Variants in FAM200B observed in about 807,000 individuals in gnomAD.
FAM200B encodes zinc finger BED-type containing 11.
A neutral mutation model predicts 33.1 loss-of-function variants in FAM200B; 32 were observed. That is an observed-to-expected ratio of 0.97 (90% CI 0.73 to 1.30). The LOEUF is 1.30. Ranked by LOEUF, FAM200B falls within the 50% of genes most tolerant of loss-of-function variation. The pLI, the probability that FAM200B is intolerant of heterozygous loss-of-function variation, is 0.00. For synonymous variants in FAM200B, 240 were observed against 264.8 expected (o/e 0.91, Z 0.91); for missense variants, 741 against 754.0 (o/e 0.98, Z 0.20).
the FAM200B span, among the ~76,000 whole-genome samples, chr4:15,645,419 G>T: frequency 6.6e-6 from 1 of 151,934 alleles, no homozygotes; most frequent in East Asian, 1.9e-4. Flanking sequence ...CCCTGGGTAA[G>T]TTACTTTTCT....
chr4:15,667,005 A>G, the FAM200B span, among the ~76,000 whole-genome samples: 1 of 150,544 alleles, frequency 6.6e-6, no homozygotes, highest in South Asian at 2.1e-4. Flanking sequence ...ATCAATCAAA[A>G]TAATCGTAAT....
In FAM200B at chr4:15,688,462, TATTAATGAAAACATTTTGAAAGAA is replaced by T. The variant is rs1210445578; in HGVS notation, c.1488_1511del (p.Asn497_Ile504del). The T allele has an allele frequency of 1.3e-6, 2 of 1,540,680 alleles. No individual in the cohort carries two copies. Among genetic ancestry groups the T allele is most frequent in the East Asian group, 4.9e-5 (2 of 40,758 alleles). On this transcript the variant is annotated inframe_deletion, in exon 2 of 2. Transcript: ENST00000422728. ...TTTTGCAGCATATTGAAGAGAATAT[TATTAATGAAAACATTTTGAAAGAA>T]ATAAAATTAGAGATATTGTTGCATC...
intron 1 of FAM200B, among the ~76,000 whole-genome samples, chr4:15,684,507 A>C (rs1363755738): frequency 6.6e-6 from 1 of 152,196 alleles, no homozygotes; most frequent in Non-Finnish European, 1.5e-5. Flanking sequence ...CAGAAGGACA[A>C]AATTGTAGTA....
chr4:15,689,347 G>C lies in FAM200B; in HGVS notation c.*396G>C, dbSNP rs1384075303. ...ATGAAGGGTTCTGTAGACCATTATT[G>C]GGCCTCTGGCTTTTGTCAGTGGACT... On this transcript the variant is annotated 3_prime_UTR_variant, in exon 2 of 2. Transcript: ENST00000422728. The C allele has an allele frequency of 5.9e-6, 1 of 170,176 alleles. No homozygotes were observed. Among genetic ancestry groups the C allele is most frequent in the Admixed American group, 6.5e-5 (1 of 15,348 alleles). 10.5% of individuals were successfully genotyped at this position (170,176 alleles called of 1,614,324 possible). A position where few individuals can be genotyped will look rare whatever the true frequency, so the allele number is the denominator to read the frequency against.
chr4:15,688,046 A>G lies in FAM200B; in HGVS notation c.1069A>G (p.Lys357Glu). Reference protein sequence around the residue: ...KNAVKVVNFIKGSSLNSRLLE... With the variant: ...KNAVKVVNFIEGSSLNSRLLE... ...TGCAGTGAAAGTTGTTAATTTTATT[A>G]AAGGAAGCTCATTGAATAGCCGGCT... Residue 357 changes from lysine (K) to glutamate (E), a missense_variant, in exon 2 of 2, where the codon AAA becomes GAA. By Grantham distance (56) the Lys-to-Glu change is moderately conservative (BLOSUM62 1). Transcript: ENST00000422728. 1.3e-6 allele frequency: 2 copies of G among 1,551,178 alleles called. No homozygotes were observed. The highest frequency in any genetic ancestry group is 8.7e-7 in the Non-Finnish European group (1 of 1,146,698).
the FAM200B span, among the ~76,000 whole-genome samples, chr4:15,656,523 A>T: frequency 6.6e-6 from 1 of 152,236 alleles, no homozygotes; most frequent in East Asian, 1.9e-4. Context: ...GTCAACAAAT[A>T]ATGGAGTAGA....
chr4:15,688,342 A>G lies in FAM200B; in HGVS notation c.1365A>G (p.Gln455=), dbSNP rs777510062. The G allele has an allele frequency of 1.2e-4, 193 of 1,550,220 alleles. No homozygotes were observed. The highest frequency in any genetic ancestry group is 1.6e-4 in the Non-Finnish European group (188 of 1,145,856). ...KLQGKNSDVF[Q]HVERIQGFRK... ...AGGGGAAAAACAGTGATGTATTCCA[A>G]CATGTTGAACGTATCCAGGGATTTC... is the stretch of plus-strand genomic sequence containing the variant. The change falls in exon 2 of 2, where the codon CAA becomes CAG. Residue 455 remains glutamine, a synonymous_variant. Coordinates refer to ENST00000422728, the MANE Select transcript of FAM200B (RefSeq NM_001145191.2).
chr4:15,681,549 T>A (rs1028751801), upstream of FAM200B: 1 of 154,886 alleles, frequency 6.5e-6, no homozygotes, highest in Non-Finnish European at 1.5e-5. Context: ...TTCTCCGCGG[T>A]GTCTCCTAGG....
At chr4:15,640,325 G>A in the FAM200B span, among the ~76,000 whole-genome samples, 1 of 141,926 alleles carries the variant, frequency 7.0e-6, no homozygotes, top group Non-Finnish European at 1.5e-5. Context: ...GATTATAGAC[G>A]TGAACCACCA....
At chr4:15,662,098 T>C in the FAM200B span, among the ~76,000 whole-genome samples, 1 of 151,106 alleles carries the variant, frequency 6.6e-6, no homozygotes, top group Non-Finnish European at 1.5e-5. Flanking sequence ...CCATCACTCA[T>C]GCCTATGCTA....
In FAM200B at chr4:15,687,234, G is replaced by GTGT. The variant is rs1718936613; in HGVS notation, c.259_261dup (p.Val87dup). The GTGT allele has an allele frequency of 6.5e-7, 1 of 1,542,966 alleles. No individual in the cohort carries two copies. Among genetic ancestry groups the GTGT allele is most frequent in the Non-Finnish European group, 8.7e-7 (1 of 1,144,068 alleles). ...CCCTTTGAAAATGACAGACCTCAGTGTGTTATTTGTAATAATATTCTTGCG... is the reference window on the plus strand; with the variant it reads ...CCCTTTGAAAATGACAGACCTCAGTGTGTTGTTATTTGTAATAATATTCTTGCG... On this transcript the variant is annotated inframe_insertion, in exon 2 of 2. Coordinates refer to ENST00000422728, the MANE Select transcript of FAM200B (RefSeq NM_001145191.2).
chr4:15,682,174 C>T (rs1471192890), intron 1 of FAM200B, among the ~76,000 whole-genome samples: 2 of 152,152 alleles, frequency 1.3e-5, no homozygotes, highest in East Asian at 1.9e-4. Context: ...TTTAATCTAG[C>T]TAAAGCTGGT....
At chr4:15,640,006 C>T in the FAM200B span, among the ~76,000 whole-genome samples, 1 of 152,096 alleles carries the variant, frequency 6.6e-6, no homozygotes, top group South Asian at 2.1e-4. Context: ...CAATGATACC[C>T]TAATACATGT....
At chr4:15,649,856 C>T in the FAM200B span, among the ~76,000 whole-genome samples, 9 of 152,062 alleles carry the variant, frequency 5.9e-5, no homozygotes, top group African/African-American at 2.2e-4. Flanking sequence ...CAAACAGAGT[C>T]TCAGGAAGAA....
the FAM200B span, chr4:15,644,808 A>G: frequency 5.4e-6 from 4 of 739,806 alleles, no homozygotes; most frequent in Non-Finnish European, 8.7e-6. Context: ...CACACAGCAT[A>G]CTTCCCTTAC....
the FAM200B span, among the ~76,000 whole-genome samples, chr4:15,646,941 G>C: frequency 6.6e-6 from 1 of 151,896 alleles, no homozygotes; most frequent in African/African-American, 2.4e-5. Flanking sequence ...GATTGAAAAA[G>C]GCTGGGCATG....
At chr4:15,646,629 T>C in the FAM200B span, among the ~76,000 whole-genome samples, 3 of 152,040 alleles carry the variant, frequency 2.0e-5, no homozygotes, top group East Asian at 1.9e-4. Context: ...ATGTGCCATG[T>C]TGGTGTGCTG....
At chr4:15,660,215 C>T in the FAM200B span, among the ~76,000 whole-genome samples, 2,792 of 152,150 alleles carry the variant, frequency 0.018, 51 homozygotes, top group Non-Finnish European at 0.027. Context: ...ATAGCTAAGA[C>T]TACAGGCCCG....
chr4:15,641,010 C>A, the FAM200B span: 2 of 506,024 alleles, frequency 4.0e-6, no homozygotes, highest in South Asian at 6.7e-5. Flanking sequence ...GCAAAGTGGT[C>A]TCTGTACTTT....
Sources: allele counts gnomAD v4.1 joint callset (sites outside exome capture counted in the v4.1 genomes callset), GRCh38; gene constraint gnomAD v4.1.1; transcripts MANE v1.5; gene names NCBI Gene and HGNC (gene_info 2026-07-23, HGNC 2026-07-21).